USP38: variants seen among roughly 807,000 people sequenced by gnomAD.
USP38 encodes ubiquitin specific peptidase 38.
In USP38, 49 loss-of-function variants were observed where a neutral mutation model predicts 94.3. The ratio of observed to expected loss-of-function variants is 0.52; its 90% CI spans 0.41 to 0.66. The LOEUF is 0.66. Ranked by LOEUF, USP38 falls within the 30% of genes least tolerant of loss-of-function variation. The pLI is 0.00. For synonymous variants in USP38, 468 were observed against 463.6 expected (o/e 1.01, Z -0.12); for missense variants, 1,128 against 1,229.4 (o/e 0.92, Z 1.23).
chr4:143,203,598 G>C, intron 5 of USP38, 32 bp downstream of exon 5: 1 of 1,589,378 alleles, frequency 6.3e-7, no homozygotes, highest in Non-Finnish European at 8.5e-7. Flanking sequence ...TATTTGTGGA[G>C]TTGTGTTATA....
At chr4:143,198,709 G>A (rs1731624751) in intron 4 of USP38, among the ~76,000 whole-genome samples, 1 of 152,138 alleles carries the variant, frequency 6.6e-6, no homozygotes, top group Non-Finnish European at 1.5e-5. Context: ...CTGAAGGAAA[G>A]TCCACAGGCT....
chr4:143,203,383 A>AT, intron 4 of USP38, 25 bp from the exon 5 acceptor site: 1 of 1,596,446 alleles, frequency 6.3e-7, no homozygotes, highest in Non-Finnish European at 8.6e-7. Flanking sequence ...TAAATTCAGC[A>AT]TTGTTTATCC....
Position 143,203,497 on chromosome 4 carries a change from G to GAT in USP38, c.1142_1143dup (p.His382TyrfsTer4). 6.2e-7 allele frequency: 1 copy of GAT among 1,613,112 alleles called. No homozygotes were observed. The highest frequency in any genetic ancestry group is 8.5e-7 in the Non-Finnish European group (1 of 1,179,540). On this transcript the variant is annotated frameshift_variant, in exon 5 of 10. Coordinates refer to ENST00000307017, the MANE Select transcript of USP38 (RefSeq NM_032557.6). LOFTEE classifies it high-confidence loss of function. ...CCTTCTTAGTACAATTAACAGAATTGATACACTGTATGATGTATCATTATT... is the reference window on the plus strand; with the variant it reads ...CCTTCTTAGTACAATTAACAGAATTGATATACACTGTATGATGTATCATTATT...
intron 6 of USP38, among the ~76,000 whole-genome samples, chr4:143,208,261 A>T (rs910436520): frequency 6.6e-6 from 1 of 152,096 alleles, no homozygotes; most frequent in Non-Finnish European, 1.5e-5. Context: ...AATAAGTTAA[A>T]TTAGTATTTA....
At chr4:143,203,314 G>A in intron 4 of USP38, 94 bp from the exon 5 acceptor site, 1 of 1,242,424 alleles carries the variant, frequency 8.0e-7, no homozygotes, top group Non-Finnish European at 1.1e-6. Flanking sequence ...AAAAGTATCT[G>A]CTGATCATAT....
intron 6 of USP38, among the ~76,000 whole-genome samples, chr4:143,206,951 A>G (rs1383339754): frequency 6.6e-6 from 1 of 152,226 alleles, no homozygotes; most frequent in East Asian, 1.9e-4. Context: ...CCCCAGGGCA[A>G]TAATTACTGA....
chr4:143,209,013 C>T (rs183615185), intron 6 of USP38, among the ~76,000 whole-genome samples: 342 of 150,140 alleles, frequency 2.3e-3, no homozygotes, highest in African/African-American at 7.2e-3. Flanking sequence ...CCTTTTCCCA[C>T]GCTCTATTCT....
At chr4:143,188,059 C>G in intron 2 of USP38, 98 bp downstream of exon 2, 2 of 1,373,050 alleles carry the variant, frequency 1.5e-6, no homozygotes, top group African/African-American at 1.5e-5. Context: ...ATGTTTAAAA[C>G]TAAAATCATG....
intron 7 of USP38, among the ~76,000 whole-genome samples, chr4:143,211,481 T>G (rs923253544): frequency 2.6e-5 from 4 of 152,080 alleles, no homozygotes; most frequent in Non-Finnish European, 5.9e-5. Flanking sequence ...GCAGCAGGGT[T>G]GAGATATGAA....
rs757451454 is a variant in USP38 at position 143,214,906 on chromosome 4, T to C, written c.2930T>C (p.Met977Thr). ...NGDPPLQKELMDAITKDNKLY... is the reference protein window; with the variant it reads ...NGDPPLQKELTDAITKDNKLY... The stretch of plus-strand genomic sequence containing the variant: ...GACCCACCTCTACAGAAAGAACTTA[T>C]GGATGCTATAACAAAAGACAATAAA... The change falls in exon 9 of 10, where the codon ATG becomes ACG. Residue 977 changes from methionine to threonine, a missense_variant. Physicochemically the swap from Met to Thr is moderately conservative, Grantham distance 81. Transcript: ENST00000307017. 24 of 1,613,110 alleles carry C rather than the reference T, an allele frequency of 1.5e-5. No individual in the cohort carries two copies. The highest frequency in any genetic ancestry group is 2.0e-5 in the Non-Finnish European group (24 of 1,179,584).
chr4:143,220,462 A>C lies in USP38; in HGVS notation c.*6A>C. On this transcript the variant is annotated 3_prime_UTR_variant, in exon 10 of 10. Coordinates refer to ENST00000307017, the MANE Select transcript of USP38 (RefSeq NM_032557.6). ...TTGGCAGACTCGTATTTTGATCCTG[A>C]GAGAGTCCAAAATGCACTGGTCACG... is the stretch of plus-strand genomic sequence containing the variant. 6.2e-7 allele frequency: 1 copy of C among 1,608,244 alleles called. No individual in the cohort carries two copies. Among genetic ancestry groups the C allele is most frequent in the Non-Finnish European group, 8.5e-7 (1 of 1,177,364 alleles).
intron 9 of USP38, among the ~76,000 whole-genome samples, chr4:143,219,802 T>C (rs963412557): frequency 4.6e-5 from 7 of 152,112 alleles, no homozygotes; most frequent in African/African-American, 1.7e-4. Flanking sequence ...ATGCTTGGCA[T>C]CTAGATAAAT....
chr4:143,199,662 A>G (rs1347749282), intron 4 of USP38, among the ~76,000 whole-genome samples: 1 of 151,978 alleles, frequency 6.6e-6, no homozygotes, highest in African/African-American at 2.4e-5. Context: ...TTGACTTTTT[A>G]ATGATAGCCA....
rs2149602450 is a variant in USP38, at chr4:143,185,847, C to G, written c.397C>G (p.Arg133Gly). 6.2e-7 allele frequency: 1 copy of G among 1,614,156 alleles called. No homozygotes were observed. The highest frequency in any genetic ancestry group is 8.5e-7 in the Non-Finnish European group (1 of 1,180,036). ...LFSLLQVEVL[R>G]MVCERPEPQL... is the part of the protein sequence containing the mutation. ...TAGCCTCCTGCAGGTAGAGGTGTTACGGATGGTGTGTGAGAGGCCGGAGCC... is the reference window on the plus strand; with the variant it reads ...TAGCCTCCTGCAGGTAGAGGTGTTAGGGATGGTGTGTGAGAGGCCGGAGCC... The change falls in exon 1 of 10, where the codon CGG (arginine) becomes GGG (glycine). Residue 133 changes from arginine to glycine, a missense_variant. Physicochemically the swap from Arg to Gly is moderately radical, Grantham distance 125 (BLOSUM62 -2). Coordinates refer to ENST00000307017, the MANE Select transcript of USP38 (RefSeq NM_032557.6).
At chr4:143,211,478 GGTTGAGA>G (rs1732022287) in intron 7 of USP38, among the ~76,000 whole-genome samples, 2 of 152,066 alleles carry the variant, frequency 1.3e-5, no homozygotes, top group South Asian at 4.1e-4. Flanking sequence ...CAAGCAGCAG[GGTTGAGA>G]TATGAACCAA....
chr4:143,212,886 T>A (rs1217721884), intron 8 of USP38, among the ~76,000 whole-genome samples: 5 of 152,200 alleles, frequency 3.3e-5, no homozygotes, highest in African/African-American at 1.2e-4. Context: ...CTTTTTCATT[T>A]TTAAAATGTT....
Position 143,185,879 on chromosome 4 carries a change from C to T in USP38, c.429C>T (p.Leu143=). The part of the protein sequence containing the change: ...RMVCERPEPQ[L]CARLSDLLTD... ...TGTGTGAGAGGCCGGAGCCGCAGCT[C>T]TGTGCCCGACTGAGCGACCTTCTGA... Residue 143 remains leucine (L), a synonymous_variant, in exon 1 of 10, where the codon CTC becomes CTT. Coordinates refer to ENST00000307017, the MANE Select transcript of USP38 (RefSeq NM_032557.6). 6.2e-7 allele frequency: 1 copy of T among 1,614,178 alleles called. No homozygotes were observed. The highest frequency in any genetic ancestry group is 1.1e-5 in the South Asian group (1 of 91,080).
intron 4 of USP38, among the ~76,000 whole-genome samples, chr4:143,198,844 T>C (rs1028508061): frequency 2.0e-5 from 3 of 152,126 alleles, no homozygotes; most frequent in African/African-American, 7.2e-5. Flanking sequence ...CTTATATATA[T>C]GTATAATACA....
chr4:143,213,462 A>C, intron 8 of USP38, 119 bp from the exon 9 acceptor site: 1 of 1,160,730 alleles, frequency 8.6e-7, no homozygotes, highest in Non-Finnish European at 1.2e-6. Flanking sequence ...AACAGGAAAA[A>C]CCTGATTTGT....
Sources: allele counts gnomAD v4.1 joint callset (sites outside exome capture counted in the v4.1 genomes callset), GRCh38; gene constraint gnomAD v4.1.1; transcripts MANE v1.5; gene names NCBI Gene and HGNC (gene_info 2026-07-23, HGNC 2026-07-21).